NELFCD: variants seen among roughly 807,000 people sequenced by gnomAD.
The protein encoded by NELFCD is negative elongation factor complex member C/D.
In NELFCD, 48 loss-of-function variants were observed where a neutral mutation model predicts 72.9. The ratio of observed to expected loss-of-function variants is 0.66; its 90% confidence interval spans 0.52 to 0.84. NELFCD has a LOEUF of 0.84. Among genes scored for constraint, NELFCD ranks in the 40% least tolerant of loss-of-function variants. NELFCD has a pLI of 0.00. For synonymous variants in NELFCD, 297 were observed against 280.6 expected (o/e 1.06, Z -0.59); for missense variants, 538 against 723.8 (o/e 0.74, Z 2.94).
Position 58,995,033 on chromosome 20 carries a change from AC to A in NELFCD, c.*358del. Reference sequence around the variant, plus strand: ...TTTCCAAGCTGACCTCAGTTTTCTCACAAGAACCCAGTTAGCTGATGTTTTA... The same window carrying A: ...TTTCCAAGCTGACCTCAGTTTTCTCAAAGAACCCAGTTAGCTGATGTTTTA... On this transcript the variant is annotated 3_prime_UTR_variant, in exon 15 of 15. Transcript: ENST00000652272. The A allele has an allele frequency of 4.1e-6, 1 of 240,988 alleles. No homozygotes were observed. The highest frequency in any genetic ancestry group is 8.0e-6 in the Non-Finnish European group (1 of 125,326). 14.9% of individuals were successfully genotyped at this position (240,988 alleles called of 1,614,324 possible).
chr20:58,994,538 G>A (rs1275606962), intron 14 of NELFCD, 104 bp from the exon 15 acceptor site: 3 of 985,528 alleles, frequency 3.0e-6, no homozygotes, highest in Non-Finnish European at 4.7e-6. Context: ...CTCTATCCTG[G>A]GCAACAAGAG....
At chr20:58,992,043 C>T (rs758341366) in intron 10 of NELFCD, 23 bp downstream of exon 10, 1 of 1,592,090 alleles carries the variant, frequency 6.3e-7, no homozygotes. Context: ...AAACTCAGTT[C>T]TTAAATCAGT....
chr20:58,984,723 G>A (rs1049591388), intron 1 of NELFCD, among the ~76,000 whole-genome samples: 1 of 152,216 alleles, frequency 6.6e-6, no homozygotes, highest in Non-Finnish European at 1.5e-5. Flanking sequence ...GGATACCTGA[G>A]TCTGGAGCTT....
intron 1 of NELFCD, among the ~76,000 whole-genome samples, chr20:58,985,118 C>G (rs1425327864): frequency 6.6e-6 from 1 of 152,190 alleles, no homozygotes; most frequent in Non-Finnish European, 1.5e-5. Context: ...TCTGCCCTTA[C>G]AGGGGGAAAG....
intron 7 of NELFCD, 185 bp downstream of exon 7, chr20:58,990,173 G>T (rs2091805353): frequency 1.5e-6 from 1 of 679,302 alleles, no homozygotes; most frequent in Non-Finnish European, 2.4e-6. Flanking sequence ...GAGGCGGATG[G>T]ATCACCTAAG....
At chr20:58,985,172 TAA>T (rs1438457922) in intron 1 of NELFCD, among the ~76,000 whole-genome samples, 1 of 152,222 alleles carries the variant, frequency 6.6e-6, no homozygotes, top group Non-Finnish European at 1.5e-5. Context: ...CTGTGTTCCG[TAA>T]AAGTTTATTT....
At chr20:58,985,131 A>G (rs1477201356) in intron 1 of NELFCD, among the ~76,000 whole-genome samples, 22 of 152,202 alleles carry the variant, frequency 1.4e-4, no homozygotes, top group Admixed American at 1.4e-3. Context: ...GGGGAAAGCA[A>G]TCATAGACAG....
In NELFCD at chr20:58,993,673, G is replaced by A; in HGVS notation, c.1490G>A (p.Arg497Gln). Reference sequence around the variant, plus strand: ...GACAGGATGGTTCACCTGCTGAGTCGAGGTTATGTACTTCCTGTTGTCAGT... The same window carrying A: ...GACAGGATGGTTCACCTGCTGAGTCAAGGTTATGTACTTCCTGTTGTCAGT... ...LLDRMVHLLSRGYVLPVVSYI... is the reference protein window; with the variant it reads ...LLDRMVHLLSQGYVLPVVSYI... Residue 497 changes from arginine (R) to glutamine (Q), a missense_variant, in exon 13 of 15, where the codon CGA becomes CAA. Transcript: ENST00000652272. This position sits in a 1 kb window ranked among gnomAD's most constrained non-coding sequence, Gnocchi z 5.0. 2 of 1,614,186 alleles carry A rather than the reference G, an allele frequency of 1.2e-6. No individual in the cohort carries two copies.
At chr20:58,992,881 A>T in intron 10 of NELFCD, 117 bp from the exon 11 acceptor site, 15 of 625,208 alleles carry the variant, frequency 2.4e-5, no homozygotes, top group Non-Finnish European at 3.5e-5. Flanking sequence ...TGGGGGGCGT[A>T]TTGAAGGGTG....
In NELFCD at chr20:58,987,796, T is replaced by C; in HGVS notation, c.375T>C (p.Ser125=). 1 of 1,614,068 alleles carries C rather than the reference T, an allele frequency of 6.2e-7. No homozygotes were observed. Among genetic ancestry groups the C allele is most frequent in the Non-Finnish European group, 8.5e-7 (1 of 1,179,874 alleles). The change falls in exon 4 of 15, where the codon TCT becomes TCC. Residue 125 remains serine (S), a synonymous_variant. Transcript: ENST00000652272. ...ATTTTGACCCCCGCAAAGCAGATTC[T>C]ATTTTTACTGAAGAAGGAGAGGTGA... ...IKHFDPRKAD[S]IFTEEGETPA... is the part of the protein sequence containing the mutation.
chr20:58,992,247 AAGAT>A (rs1349830134), intron 10 of NELFCD, among the ~76,000 whole-genome samples: 7 of 152,220 alleles, frequency 4.6e-5, no homozygotes, highest in Non-Finnish European at 8.8e-5. Flanking sequence ...GGCTAAGTAA[AAGAT>A]AGCCAGAGTT....
intron 1 of NELFCD, 28 bp downstream of exon 1, chr20:58,981,397 G>C (rs766759566): frequency 9.9e-7 from 1 of 1,010,326 alleles, no homozygotes; most frequent in African/African-American, 1.7e-5. Flanking sequence ...GCGCACCCTA[G>C]AGAGAATCGT....
In NELFCD at chr20:58,986,060, A is replaced by T. The variant is rs1165834392; in HGVS notation, c.61-33A>T. 6.8e-7 allele frequency: 1 copy of T among 1,474,624 alleles called. No homozygotes were observed. Among genetic ancestry groups the T allele is most frequent in the Admixed American group, 1.7e-5 (1 of 59,838 alleles). The allele number at this position is 1,474,624 out of a possible 1,614,324, so 91.3% of individuals were successfully genotyped here. A position where few individuals can be genotyped will look rare whatever the true frequency, so the allele number is the denominator to read the frequency against. On this transcript the variant is annotated intron_variant, in intron 1 of 14. Transcript: ENST00000652272. The surrounding 1 kb of genome is among the most constrained non-coding windows in gnomAD (Gnocchi z 4.4). ...AGATTAGGGTATTTGTATTAATGAA[A>T]AAAATATCCTGGCTCTTCGCATTTA...
Position 58,993,334 on chromosome 20 carries a change from G to A in NELFCD, c.1345-115G>A, listed in dbSNP as rs111726128. ...GGAAGCTGATGGCCCTGGCTTAGGT[G>A]TCAGGACCTTCTTCCACAGTGATAA... On this transcript the variant is annotated intron_variant, in intron 11 of 14. Transcript: ENST00000652272. This position sits in a 1 kb window ranked among gnomAD's most constrained non-coding sequence, Gnocchi z 5.0. 34 of 1,054,352 alleles carry A rather than the reference G, an allele frequency of 3.2e-5. 1 individual carries two copies. Among genetic ancestry groups the A allele is most frequent in the African/African-American group, 1.3e-4 (8 of 62,954 alleles). The allele number at this position is 1,054,352 out of a possible 1,614,324, so 65.3% of individuals were successfully genotyped here.
chr20:58,991,317 C>T lies in NELFCD; in HGVS notation c.960C>T (p.Arg320=), dbSNP rs59729619. Reference sequence around the variant, plus strand: ...GGGCATATGCTTCTCCTCAGATCCGCGTTCCAGCCTTCCTGGACCTGTTCA... The same window carrying T: ...GGGCATATGCTTCTCCTCAGATCCGTGTTCCAGCCTTCCTGGACCTGTTCA... ...SMDPPPVELI[R]VPAFLDLFMQ... is the part of the protein sequence containing the mutation. The change falls in exon 9 of 15, where the codon CGC becomes CGT. Residue 320 remains arginine (R), a synonymous_variant. Transcript: ENST00000652272. 1,786 of 1,614,216 alleles carry T rather than the reference C, an allele frequency of 1.1e-3. 35 individuals carry two copies. The East Asian group carries it at 0.028, about 25-fold the overall frequency.
chr20:58,989,039 G>A lies in NELFCD; in HGVS notation c.504+18G>A, dbSNP rs755408120. 7.4e-5 allele frequency: 115 copies of A among 1,548,492 alleles called. No individual in the cohort carries two copies. Among genetic ancestry groups the A allele is most frequent in the Non-Finnish European group, 1.0e-4 (113 of 1,120,318 alleles). The stretch of plus-strand genomic sequence containing the variant: ...CCGTTAAGGTAGGAAGAGTTCTAGA[G>A]TTAAGGAGAAAAGTGTTTATGAATG... On this transcript the variant is annotated intron_variant, in intron 5 of 14. Coordinates refer to ENST00000652272, the MANE Select transcript of NELFCD (RefSeq NM_198976.4).
At position 58,994,112 on chromosome 20, in the gene NELFCD, G is replaced by A; in HGVS notation, c.1584G>A (p.Val528=). The A allele has an allele frequency of 6.2e-7, 1 of 1,614,140 alleles. No individual in the cohort carries two copies. The highest frequency in any genetic ancestry group is 8.5e-7 in the Non-Finnish European group (1 of 1,179,992). Residue 528 remains valine, a splice_region_variant and synonymous_variant, in exon 14 of 15, where the codon GTG becomes GTA. Coordinates refer to ENST00000652272, the MANE Select transcript of NELFCD (RefSeq NM_198976.4). ...TCACCCTGTGCTCCCCCACGCAGGT[G>A]CTGGACGTCATTGCTCCTCCTTATA... ...ISLIRYFVTE[V]LDVIAPPYTS... is the part of the protein sequence containing the mutation.
Position 58,988,994 on chromosome 20 carries a change from C to G in NELFCD, c.477C>G (p.Asp159Glu), listed in dbSNP as rs1257954199. The G allele has an allele frequency of 6.2e-7, 1 of 1,613,400 alleles. No individual in the cohort carries two copies. The highest frequency in any genetic ancestry group is 8.5e-7 in the Non-Finnish European group (1 of 1,179,434). The change falls in exon 5 of 15, where the codon GAC becomes GAG. Residue 159 changes from aspartate to glutamate, a missense_variant. This residue lies in a region of NELFCD where 355 missense variants were observed against 534.5 expected (regional missense o/e 0.66). Coordinates refer to ENST00000652272, the MANE Select transcript of NELFCD (RefSeq NM_198976.4). ...ATAAACTGGCTGAAGCCCATCCAGA[C>G]TGTTTGATGCTGAACTTCACCGTTA... is the stretch of plus-strand genomic sequence containing the variant. ...LFYKLAEAHP[D>E]CLMLNFTVKL... is the part of the protein sequence containing the mutation.
chr20:58,993,018 G>A lies in NELFCD; in HGVS notation c.1250G>A (p.Gly417Asp). 1 of 1,613,936 alleles carries A rather than the reference G, an allele frequency of 6.2e-7. No homozygotes were observed. Among genetic ancestry groups the A allele is most frequent in the Non-Finnish European group, 8.5e-7 (1 of 1,179,852 alleles). Residue 417 changes from glycine (G) to aspartate (D), a missense_variant, in exon 11 of 15, where the codon GGT (glycine) becomes GAT (aspartate). Transcript: ENST00000652272. The surrounding 1 kb of genome is among the most constrained non-coding windows in gnomAD (Gnocchi z 5.0). ...QCIRFPVVAM[G>D]VLKWVDWTVS... The stretch of plus-strand genomic sequence containing the variant: ...TGTAGGTTTCCAGTGGTAGCAATGG[G>A]TGTGCTGAAGTGGGTGGATTGGACT...
Sources: gnomAD v4.1 joint callset for allele counts (sites outside exome capture counted in the v4.1 genomes callset) on GRCh38, gnomAD v4.1.1 for gene constraint, gnomAD v4.1.1 regional missense constraint, Gnocchi (gnomAD v3.1) non-coding constraint, MANE v1.5 for transcripts, NCBI Gene and HGNC (gene_info 2026-07-23, HGNC 2026-07-21) for gene names.